The following TMEM132D variants were observed in gnomAD, a reference collection of about 807,000 sequenced individuals.
TMEM132D encodes mature OL transmembrane protein.
Under a neutral mutation model 62.3 loss-of-function variants are expected in TMEM132D, and 21 were observed. That is an observed-to-expected ratio of 0.34 (90% confidence interval 0.24 to 0.49). The LOEUF (loss-of-function observed/expected upper bound fraction) is 0.49. Ranked by LOEUF, TMEM132D falls within the 20% of genes least tolerant of loss-of-function variation. The probability of loss-of-function intolerance (pLI) is 0.99; values close to 1 mark genes in which losing one functional copy is unlikely to be tolerated. For synonymous variants in TMEM132D, 621 were observed against 575.6 expected, an observed-to-expected ratio of 1.08 and a Z score of -1.13; for missense variants, 1,346 against 1,402.8, an observed-to-expected ratio of 0.96 and a Z score of 0.65.
At chr12:129,357,003 T>G (rs1870084492) in intron 3 of TMEM132D, among the ~76,000 whole-genome samples, 1 of 149,204 alleles carries the variant, frequency 6.7e-6, no homozygotes, top group South Asian at 2.1e-4. Context: ...TCCCAGCATT[T>G]CGGGAGGCCG....
intron 4 of TMEM132D, chr12:129,210,244 C>G (rs921773277): frequency 6.5e-6 from 1 of 153,412 alleles, no homozygotes; most frequent in African/African-American, 2.4e-5. Flanking sequence ...GCTTGATGAG[C>G]AGCACCGCAC....
intron 2 of TMEM132D, among the ~76,000 whole-genome samples, chr12:129,552,741 ATC>A (rs1219996829): frequency 6.6e-6 from 1 of 152,126 alleles, no homozygotes; most frequent in East Asian, 1.9e-4. Flanking sequence ...CATCTCTATT[ATC>A]TGTCATTTAC....
intron 3 of TMEM132D, among the ~76,000 whole-genome samples, chr12:129,345,098 G>C (rs1228268922): frequency 1.3e-5 from 2 of 152,110 alleles, no homozygotes; most frequent in African/African-American, 4.8e-5. Flanking sequence ...CTATTGCCCA[G>C]AACCTGCTTG....
intron 1 of TMEM132D, among the ~76,000 whole-genome samples, chr12:129,705,230 C>G (rs1002859554): frequency 3.3e-5 from 5 of 151,692 alleles, no homozygotes; most frequent in Admixed American, 2.6e-4. Flanking sequence ...CATTAAAAGG[C>G]AAAAAAAGAA....
At chr12:129,329,494 T>A (rs949274050) in intron 4 of TMEM132D, among the ~76,000 whole-genome samples, 2 of 152,166 alleles carry the variant, frequency 1.3e-5, no homozygotes, top group Admixed American at 1.3e-4. Context: ...TCTGCTTTTA[T>A]GCCAAAAATT....
intron 2 of TMEM132D, among the ~76,000 whole-genome samples, chr12:129,625,173 AC>A (rs1403858292): frequency 1.3e-5 from 2 of 152,224 alleles, no homozygotes; most frequent in Admixed American, 6.5e-5. Flanking sequence ...GCCTATTCAT[AC>A]CTTTTACCCA....
At chr12:129,653,631 T>C (rs1347619233) in intron 2 of TMEM132D, among the ~76,000 whole-genome samples, 1 of 152,208 alleles carries the variant, frequency 6.6e-6, no homozygotes, top group East Asian at 1.9e-4. Context: ...TGTGTACATA[T>C]AGTCATGTTT....
chr12:129,355,437 G>T (rs1009422252), intron 3 of TMEM132D, among the ~76,000 whole-genome samples: 1 of 152,058 alleles, frequency 6.6e-6, no homozygotes, highest in Admixed American at 6.6e-5. Flanking sequence ...AGGGGTGGGT[G>T]GGGGAAGCGG....
rs117908789 is a variant in TMEM132D at position 129,684,567 on chromosome 12, A to G, written c.968+15243T>C. ...ACCACAGAGAGTGGGGTGCTGCTAT[A>G]AAGATATCTGAAAATGTGGAAGCTA... is the stretch of plus-strand genomic sequence containing the variant. On this transcript the variant is annotated intron_variant, in intron 2 of 8. Coordinates refer to ENST00000422113, the MANE Select transcript of TMEM132D (RefSeq NM_133448.3). 2.4e-3 allele frequency among the ~76,000 whole-genome samples: 360 copies of G among 152,218 alleles called. 1 individual carries two copies. Among genetic ancestry groups the G allele is most frequent in the Non-Finnish European group, 4.2e-3 (289 of 68,012 alleles).
intron 3 of TMEM132D, among the ~76,000 whole-genome samples, chr12:129,488,057 C>T (rs1039697820): frequency 1.3e-5 from 2 of 151,204 alleles, no homozygotes; most frequent in Non-Finnish European, 2.9e-5. Context: ...CTTGTGAGGA[C>T]ATGGTGTCCT....
intron 1 of TMEM132D, among the ~76,000 whole-genome samples, chr12:129,748,445 CT>C (rs1456175118): frequency 6.6e-6 from 1 of 152,082 alleles, no homozygotes; most frequent in Admixed American, 6.6e-5. Flanking sequence ...AGAGGGAGCA[CT>C]TCATGTTTTT....
intron 5 of TMEM132D, among the ~76,000 whole-genome samples, chr12:129,153,180 G>A (rs1328431663): frequency 2.0e-5 from 3 of 152,116 alleles, no homozygotes; most frequent in African/African-American, 7.2e-5. Context: ...TGTCCTGACT[G>A]GACTTTGCTC....
chr12:129,464,613 T>C (rs1244860653), intron 3 of TMEM132D, among the ~76,000 whole-genome samples: 2 of 152,242 alleles, frequency 1.3e-5, no homozygotes, highest in Non-Finnish European at 2.9e-5. Flanking sequence ...AGGTTTAACA[T>C]TTAAATCTTT....
rs546026090 is a variant in TMEM132D, at chr12:129,871,246, C to T, written c.79+32015G>A. Among the ~76,000 whole-genome samples, 4 of 152,234 alleles carry T rather than the reference C, an allele frequency of 2.6e-5. No homozygotes were observed. In the South Asian group the frequency reaches 6.2e-4, roughly 24 times the overall value. ...CGTGAGAGTGAAGTCAGAAATTCTT[C>T]GGAAACATTCTCTTGGTTTTATGCT... On this transcript the variant is annotated intron_variant, in intron 1 of 8. Transcript: ENST00000422113.
At chr12:129,882,680 A>G (rs1874633075) in intron 1 of TMEM132D, among the ~76,000 whole-genome samples, 1 of 152,212 alleles carries the variant, frequency 6.6e-6, no homozygotes, top group African/African-American at 2.4e-5. Context: ...ACTATACATT[A>G]TATGTACTGA....
chr12:129,849,639 T>C (rs971511492), intron 1 of TMEM132D, among the ~76,000 whole-genome samples: 7 of 152,316 alleles, frequency 4.6e-5, no homozygotes, highest in East Asian at 1.9e-4. Context: ...CCCGTGACTG[T>C]TGCTGGTGAG....
intron 2 of TMEM132D, among the ~76,000 whole-genome samples, chr12:129,550,031 A>G (rs182939163): frequency 4.9e-4 from 75 of 152,254 alleles, no homozygotes; most frequent in African/African-American, 1.8e-3. Flanking sequence ...TTAGGATATA[A>G]ACATACAAAC....
intron 3 of TMEM132D, among the ~76,000 whole-genome samples, chr12:129,412,542 G>A (rs1381507859): frequency 6.6e-6 from 1 of 152,084 alleles, no homozygotes; most frequent in Non-Finnish European, 1.5e-5. Flanking sequence ...CTACAGAGAA[G>A]GAAGAAGAGG....
chr12:129,342,664 G>A (rs7397824), intron 3 of TMEM132D, among the ~76,000 whole-genome samples: 5 of 151,808 alleles, frequency 3.3e-5, no homozygotes, highest in African/African-American at 1.2e-4. Context: ...GAAAATTTTC[G>A]CAACCTACTC....
Sources: allele counts gnomAD v4.1 joint callset (sites outside exome capture counted in the v4.1 genomes callset), GRCh38; gene constraint gnomAD v4.1.1; transcripts MANE v1.5; gene names NCBI Gene and HGNC (gene_info 2026-07-23, HGNC 2026-07-21).